PCDHGA1: variants seen among roughly 807,000 people sequenced by gnomAD.
PCDHGA1 encodes protocadherin gamma subfamily A, 1.
In PCDHGA1, 32 loss-of-function variants were observed where a neutral mutation model predicts 58.0. The observed-to-expected ratio is 0.55, with a 90% CI of 0.42 to 0.74. The LOEUF is 0.74. Ranked by LOEUF, PCDHGA1 falls within the 30% of genes least tolerant of loss-of-function variation. The pLI, the probability that PCDHGA1 is intolerant of heterozygous loss-of-function variation, is 0.00. For missense variants in PCDHGA1, 1,205 were observed against 1,182.3 expected (o/e 1.02, Z -0.28); for synonymous variants, 498 against 501.1 (o/e 0.99, Z 0.08).
chr5:141,374,554 C>G (rs1412584015), intron 1 of PCDHGA1: 1 of 1,613,560 alleles, frequency 6.2e-7, no homozygotes, highest in African/African-American at 1.3e-5. Flanking sequence ...TAATGGAGGT[C>G]TATGACCCTG....
intron 1 of PCDHGA1, chr5:141,365,998 C>T (rs374639173): frequency 1.0e-4 from 166 of 1,614,116 alleles, no homozygotes; most frequent in Non-Finnish European, 1.2e-4. Context: ...TGGACCAGAA[C>T]GACAATACGC....
At chr5:141,428,102 G>A (rs774075619) in intron 1 of PCDHGA1, 1 of 1,608,518 alleles carries the variant, frequency 6.2e-7, no homozygotes, top group Non-Finnish European at 8.5e-7. Context: ...CCTACCACGT[G>A]CTGCAGGCCA....
chr5:141,342,740 G>T (rs577566664), intron 1 of PCDHGA1: 8 of 152,320 alleles, frequency 5.3e-5, no homozygotes, highest in African/African-American at 1.4e-4. Context: ...CTTATGCATA[G>T]ATATGTAATG....
intron 1 of PCDHGA1, among the ~76,000 whole-genome samples, chr5:141,437,829 C>T (rs2097913718): frequency 6.6e-6 from 1 of 151,986 alleles, no homozygotes; most frequent in Admixed American, 6.6e-5. Flanking sequence ...CCTCTGCCTC[C>T]TGGGTTCATG....
In PCDHGA1 at chr5:141,431,766, C is replaced by T. The variant is rs1474420822; in HGVS notation, c.2422-63041C>T. Reference sequence around the variant, plus strand: ...TCTGCGCGAGCCAAAGTCCTGATCACTGTTCTGGACGTGAACGACAATGCC... The same window carrying T: ...TCTGCGCGAGCCAAAGTCCTGATCATTGTTCTGGACGTGAACGACAATGCC... On this transcript the variant is annotated intron_variant, in intron 1 of 3. Transcript: ENST00000517417. The surrounding 1 kb of genome is among the most constrained non-coding windows in gnomAD (Gnocchi z 4.8). 2.5e-6 allele frequency: 4 copies of T among 1,614,196 alleles called. No individual in the cohort carries two copies. Among genetic ancestry groups the T allele is most frequent in the Non-Finnish European group, 3.4e-6 (4 of 1,180,010 alleles).
chr5:141,332,978 A>G lies in PCDHGA1; in HGVS notation c.2294A>G (p.Lys765Arg). The G allele has an allele frequency of 1.2e-6, 2 of 1,614,236 alleles. No individual in the cohort carries two copies. Among genetic ancestry groups the G allele is most frequent in the Non-Finnish European group, 1.7e-6 (2 of 1,180,050 alleles). ...GTCTCCCTCACTGCGGACTCGCGGA[A>G]GAGCCACCTGATTTTCCCCCAGCCC... ...HEVSLTADSR[K>R]SHLIFPQPNY... The change falls in exon 1 of 4, where the codon AAG (lysine) becomes AGG (arginine). Residue 765 changes from lysine (K) to arginine (R), a missense_variant. Coordinates refer to ENST00000517417, the MANE Select transcript of PCDHGA1 (RefSeq NM_018912.3). This position sits in a 1 kb window ranked among gnomAD's most constrained non-coding sequence, Gnocchi z 4.6.
chr5:141,384,461 A>G, intron 1 of PCDHGA1: 1 of 1,614,078 alleles, frequency 6.2e-7, no homozygotes, highest in Non-Finnish European at 8.5e-7. Flanking sequence ...CAATCCTTTG[A>G]TTATGAGCAG....
chr5:141,469,855 G>T (rs1272105046), intron 1 of PCDHGA1, among the ~76,000 whole-genome samples: 4 of 152,186 alleles, frequency 2.6e-5, no homozygotes, highest in Non-Finnish European at 4.4e-5. Flanking sequence ...TTCAGACCGG[G>T]TGCAATGGCT....
In PCDHGA1 at chr5:141,355,045, A is replaced by G. The variant is rs991621511; in HGVS notation, c.2421+21940A>G. Reference sequence around the variant, plus strand: ...CAGAATCACAAGATTTCTGCAGCACAAAGCACTGGCTCTGGAGCTTTATGA... The same window carrying G: ...CAGAATCACAAGATTTCTGCAGCACGAAGCACTGGCTCTGGAGCTTTATGA... On this transcript the variant is annotated intron_variant, in intron 1 of 3. Coordinates refer to ENST00000517417, the MANE Select transcript of PCDHGA1 (RefSeq NM_018912.3). The G allele has an allele frequency of 2.6e-6, 3 of 1,146,988 alleles. No homozygotes were observed. In the African/African-American group the frequency reaches 4.7e-5, roughly 18 times the overall value. The allele number at this position is 1,146,988 out of a possible 1,614,324, so 71.1% of individuals were successfully genotyped here.
chr5:141,431,973 TC>T lies in PCDHGA1; in HGVS notation c.2422-62833del, dbSNP rs770294598. 13 of 1,614,100 alleles carry T rather than the reference TC, an allele frequency of 8.1e-6. No individual in the cohort carries two copies. The highest frequency in any genetic ancestry group is 1.0e-5 in the Non-Finnish European group (12 of 1,180,038). On this transcript the variant is annotated intron_variant, in intron 1 of 3. Transcript: ENST00000517417. This position sits in a 1 kb window ranked among gnomAD's most constrained non-coding sequence, Gnocchi z 4.8. ...TCTTACGGAAATTACTATAGTTTAG[TC>T]ACAGACATAGTCTTGGATAGGGAAC...
chr5:141,502,679 T>C (rs943238781), intron 2 of PCDHGA1, among the ~76,000 whole-genome samples: 1 of 152,236 alleles, frequency 6.6e-6, no homozygotes, highest in Non-Finnish European at 1.5e-5. Flanking sequence ...TAGTATTCCC[T>C]GATGATCCTT....
chr5:141,503,077 TCTC>T (rs1212079220), intron 2 of PCDHGA1, among the ~76,000 whole-genome samples: 1 of 151,810 alleles, frequency 6.6e-6, no homozygotes, highest in African/African-American at 2.4e-5. Flanking sequence ...ATGGTCTCGA[TCTC>T]CTGACCTCGT....
intron 1 of PCDHGA1, chr5:141,384,902 T>A: frequency 3.1e-6 from 5 of 1,613,898 alleles, no homozygotes; most frequent in Non-Finnish European, 4.2e-6. Flanking sequence ...GCTGACAGCA[T>A]CCCCGAAGTC....
At chr5:141,355,346 C>G (rs571668487) in intron 1 of PCDHGA1, 2 of 1,613,986 alleles carry the variant, frequency 1.2e-6, no homozygotes, top group African/African-American at 2.7e-5. Context: ...GGCAACATCG[C>G]CAAGGACCTG....
At chr5:141,390,565 G>A in intron 1 of PCDHGA1, 2 of 420,818 alleles carry the variant, frequency 4.8e-6, no homozygotes, top group Non-Finnish European at 8.5e-6. Context: ...ACAGTTGTTG[G>A]CTCTCTCCTA....
chr5:141,420,111 C>T (rs747723647), intron 1 of PCDHGA1: 1 of 1,613,966 alleles, frequency 6.2e-7, no homozygotes, highest in African/African-American at 1.3e-5. Flanking sequence ...TTGCCCTATG[C>T]CTATAATTTT....
At chr5:141,377,488 C>T (rs1774054188) in intron 1 of PCDHGA1, 1 of 151,792 alleles carries the variant, frequency 6.6e-6, no homozygotes, top group Admixed American at 6.6e-5. Flanking sequence ...CCCAGCTACT[C>T]GAGAAGCTCT....
intron 1 of PCDHGA1, chr5:141,339,619 T>G (rs1358075739): frequency 1.9e-6 from 3 of 1,614,054 alleles, no homozygotes; most frequent in Non-Finnish European, 2.5e-6. Flanking sequence ...TGGCTTCTGA[T>G]GGGGGTGACC....
chr5:141,443,708 T>G (rs2098400247), intron 1 of PCDHGA1, among the ~76,000 whole-genome samples: 1 of 152,192 alleles, frequency 6.6e-6, no homozygotes, highest in Non-Finnish European at 1.5e-5. Context: ...GAATAACATT[T>G]GCATATAAAA....
Sources: gnomAD v4.1 joint callset for allele counts (sites outside exome capture counted in the v4.1 genomes callset) on GRCh38, gnomAD v4.1.1 for gene constraint, Gnocchi (gnomAD v3.1) non-coding constraint, MANE v1.5 for transcripts, NCBI Gene and HGNC (gene_info 2026-07-23, HGNC 2026-07-21) for gene names.